The following SNTG2 variants were observed in gnomAD, a reference collection of about 807,000 sequenced individuals.
SNTG2 encodes gamma-2-syntrophin.
In SNTG2, 74 loss-of-function variants were observed where a neutral mutation model predicts 70.9. The observed-to-expected ratio is 1.04, with a 90% CI of 0.86 to 1.27. The LOEUF is 1.27. SNTG2 is among the 50% of genes most tolerant of loss of function. The pLI, the probability that SNTG2 is intolerant of heterozygous loss-of-function variation, is 0.00. For synonymous variants in SNTG2, 278 were observed against 273.8 expected (o/e 1.02, Z -0.15); for missense variants, 717 against 690.7 (o/e 1.04, Z -0.43).
chr2:1,189,564 C>CT (rs370771654), intron 8 of SNTG2, among the ~76,000 whole-genome samples: 14,924 of 147,984 alleles, frequency 0.1, 1,223 homozygotes, highest in African/African-American at 0.22. Flanking sequence ...GGGACTCTAA[C>CT]TTTTTTTTTT....
intron 1 of SNTG2, among the ~76,000 whole-genome samples, chr2:987,979 C>G (rs1041413290): frequency 6.6e-6 from 1 of 152,212 alleles, no homozygotes; most frequent in Non-Finnish European, 1.5e-5. Flanking sequence ...CTCGGCTGCC[C>G]AGATGCAGCT....
At chr2:1,038,282 T>G (rs1661244742) in intron 1 of SNTG2, among the ~76,000 whole-genome samples, 1 of 152,322 alleles carries the variant, frequency 6.6e-6, no homozygotes, top group Non-Finnish European at 1.5e-5. Context: ...CATAATACAT[T>G]TTGGGCAAGA....
At chr2:959,102 A>G (rs1242563897) in intron 1 of SNTG2, among the ~76,000 whole-genome samples, 2 of 151,924 alleles carry the variant, frequency 1.3e-5, no homozygotes, top group African/African-American at 4.9e-5. Context: ...AGGTTTAATT[A>G]TATTTAAAAA....
chr2:1,239,853 T>C, intron 11 of SNTG2, 77 bp downstream of exon 11: 1 of 1,531,448 alleles, frequency 6.5e-7, no homozygotes, highest in South Asian at 1.2e-5. Context: ...ATGTAACACA[T>C]CTCGAAAAGC....
intron 1 of SNTG2, among the ~76,000 whole-genome samples, chr2:1,078,018 T>C (rs11127453): frequency 0.81 from 122,826 of 152,140 alleles, 49,682 homozygotes; most frequent in Admixed American, 0.88. Flanking sequence ...AGCAGGTCCT[T>C]TTCTCTGCAG....
At chr2:1,333,336 G>A (rs1251693134) in intron 16 of SNTG2, among the ~76,000 whole-genome samples, 4 of 152,158 alleles carry the variant, frequency 2.6e-5, no homozygotes, top group African/African-American at 9.7e-5. Flanking sequence ...TCATGGTTAT[G>A]AATGGGTAGG....
chr2:1,234,020 C>T (rs1572821799), intron 9 of SNTG2, among the ~76,000 whole-genome samples: 1 of 152,154 alleles, frequency 6.6e-6, no homozygotes, highest in African/African-American at 2.4e-5. Flanking sequence ...AGCAGATGCT[C>T]TGTGAATTTT....
chr2:1,317,361 G>C (rs1681332948), intron 16 of SNTG2, among the ~76,000 whole-genome samples: 1 of 106,748 alleles, frequency 9.4e-6, no homozygotes, highest in Non-Finnish European at 2.0e-5. Context: ...TTTAGCATGA[G>C]GCCAGCATTG....
chr2:1,185,395 C>T (rs1163641108), intron 8 of SNTG2, among the ~76,000 whole-genome samples: 1 of 152,204 alleles, frequency 6.6e-6, no homozygotes, highest in Non-Finnish European at 1.5e-5. Flanking sequence ...CCAGTAGAGA[C>T]TCTGTGTGGG....
chr2:1,037,505 T>C (rs1424754490), intron 1 of SNTG2, among the ~76,000 whole-genome samples: 1 of 152,184 alleles, frequency 6.6e-6, no homozygotes, highest in Admixed American at 6.5e-5. Flanking sequence ...CCATTTTGCA[T>C]GCTCCCTGCC....
chr2:1,166,572 C>T (rs562292967), intron 7 of SNTG2, among the ~76,000 whole-genome samples: 16 of 152,286 alleles, frequency 1.1e-4, no homozygotes, highest in African/African-American at 3.9e-4. Context: ...GAGTTCTGAT[C>T]ATGCATTGGG....
intron 1 of SNTG2, among the ~76,000 whole-genome samples, chr2:993,338 T>C (rs747622644): frequency 1.3e-5 from 2 of 151,564 alleles, no homozygotes; most frequent in African/African-American, 2.4e-5. Flanking sequence ...ATGCACATTA[T>C]AGTATTAGAC....
chr2:1,216,119 G>A (rs1674375262), intron 9 of SNTG2, among the ~76,000 whole-genome samples: 1 of 152,192 alleles, frequency 6.6e-6, no homozygotes, highest in South Asian at 2.1e-4. Context: ...AGATCCTTGA[G>A]GAATCACCAC....
At chr2:965,981 C>T (rs1660551867) in intron 1 of SNTG2, among the ~76,000 whole-genome samples, 1 of 152,186 alleles carries the variant, frequency 6.6e-6, no homozygotes, top group Admixed American at 6.5e-5. Flanking sequence ...CCCAGCTGCT[C>T]CCACTCAGTC....
intron 12 of SNTG2, 133 bp from the exon 13 acceptor site, chr2:1,259,235 GTT>G: frequency 1.4e-6 from 1 of 715,366 alleles, no homozygotes; most frequent in Non-Finnish European, 2.4e-6. Context: ...AAAGTTTAAT[GTT>G]ACCAATTTAT....
chr2:1,278,068 C>A (rs1033399227), intron 14 of SNTG2, among the ~76,000 whole-genome samples: 1 of 152,216 alleles, frequency 6.6e-6, no homozygotes, highest in African/African-American at 2.4e-5. Flanking sequence ...ATCAGTTAAT[C>A]GGTAAAATTT....
At chr2:1,202,004 A>C (rs72768828) in intron 8 of SNTG2, among the ~76,000 whole-genome samples, 37 of 152,188 alleles carry the variant, frequency 2.4e-4, no homozygotes, top group Non-Finnish European at 4.0e-4. Flanking sequence ...TATTTTTAAA[A>C]ATAAATTCAA....
At chr2:993,397 A>G (rs1289579800) in intron 1 of SNTG2, among the ~76,000 whole-genome samples, 3 of 151,902 alleles carry the variant, frequency 2.0e-5, no homozygotes, top group South Asian at 2.1e-4. Flanking sequence ...CATTTTGTTT[A>G]TCCATTAATC....
chr2:999,007 T>TA (rs996220302), intron 1 of SNTG2, among the ~76,000 whole-genome samples: 7 of 152,232 alleles, frequency 4.6e-5, no homozygotes, highest in South Asian at 2.1e-4. Context: ...TTCTTAATGA[T>TA]AAAAACTGTC....
Sources: gnomAD v4.1 joint callset for allele counts (sites outside exome capture counted in the v4.1 genomes callset) on GRCh38, gnomAD v4.1.1 for gene constraint, MANE v1.5 for transcripts, NCBI Gene and HGNC (gene_info 2026-07-23, HGNC 2026-07-21) for gene names.